GMPS: variants seen among roughly 807,000 people sequenced by gnomAD.
The protein encoded by GMPS is guanosine monophosphate synthase.
In GMPS, 15 loss-of-function variants were observed where a neutral mutation model predicts 77.9. The observed-to-expected ratio is 0.19, with a 90% CI of 0.13 to 0.30. The LOEUF (loss-of-function observed/expected upper bound fraction) is 0.30. Among genes scored for constraint, GMPS ranks in the 10% least tolerant of loss-of-function variants. The pLI, the probability that GMPS is intolerant of heterozygous loss-of-function variation, is 1.00. For synonymous variants in GMPS, 224 were observed against 275.9 expected, an observed-to-expected ratio of 0.81 and a Z score of 1.86; for missense variants, 590 against 838.8, an observed-to-expected ratio of 0.70 and a Z score of 3.66.
chr3:155,874,255 CTTGG>C (rs1753977128), intron 1 of GMPS, among the ~76,000 whole-genome samples: 1 of 152,110 alleles, frequency 6.6e-6, no homozygotes, highest in South Asian at 2.1e-4. Flanking sequence ...GGGTGAAACT[CTTGG>C]TTGGAGTAAA....
intron 1 of GMPS, among the ~76,000 whole-genome samples, chr3:155,872,001 C>T (rs1438371778): frequency 1.3e-5 from 2 of 152,186 alleles, no homozygotes; most frequent in Non-Finnish European, 2.9e-5. Context: ...CGATTTACTT[C>T]ATTAAGATAC....
At chr3:155,906,522 T>C (rs1212988358) in intron 5 of GMPS, among the ~76,000 whole-genome samples, 1 of 152,230 alleles carries the variant, frequency 6.6e-6, no homozygotes, top group Non-Finnish European at 1.5e-5. Context: ...TAATATAAGC[T>C]TTTCAAACAT....
chr3:155,886,187 G>A (rs1369582765), intron 1 of GMPS, among the ~76,000 whole-genome samples: 1 of 151,984 alleles, frequency 6.6e-6, no homozygotes, highest in East Asian at 1.9e-4. Context: ...ATTCATAATT[G>A]TAGGAATAAT....
chr3:155,935,118 G>GATGTGATCCT, intron 14 of GMPS, 72 bp downstream of exon 14: 1 of 1,013,358 alleles, frequency 9.9e-7, no homozygotes, highest in Non-Finnish European at 1.5e-6. Context: ...AGAGTAGGAG[G>GATGTGATCCT]ATGTGGCTTT....
In GMPS at chr3:155,934,887, C is replaced by T. The variant is rs184907332; in HGVS notation, c.1677-29C>T. ...AATTTCTACATTTGAAATGTAATTG[C>T]TGTATTATTTTTACCTCTTTGTTTC... On this transcript the variant is annotated intron_variant, in intron 13 of 15. Transcript: ENST00000496455. The T allele has an allele frequency of 1.5e-3, 2,177 of 1,409,116 alleles. 6 individuals are homozygous for T. Among genetic ancestry groups the T allele is most frequent in the Non-Finnish European group, 1.9e-3 (1,927 of 996,058 alleles). The allele number at this position is 1,409,116 out of a possible 1,614,324, so 87.3% of individuals were successfully genotyped here. A position where few individuals can be genotyped will look rare whatever the true frequency, so the allele number is the denominator to read the frequency against.
rs901552092 is a variant in GMPS, at chr3:155,914,406, C to T, written c.887-13C>T. On this transcript the variant is annotated splice_polypyrimidine_tract_variant and intron_variant, in intron 7 of 15. Coordinates refer to ENST00000496455, the MANE Select transcript of GMPS (RefSeq NM_003875.3). ...GTTATACCAATTTAAAACGCTTCTC[C>T]CCTTTCCTCCAGTGATAAATGCTGC... is the stretch of plus-strand genomic sequence containing the variant. 1.3e-6 allele frequency: 2 copies of T among 1,515,764 alleles called. No homozygotes were observed. The highest frequency in any genetic ancestry group is 1.4e-5 in the African/African-American group (1 of 70,276). 93.9% of individuals were successfully genotyped at this position (1,515,764 alleles called of 1,614,324 possible).
chr3:155,933,068 T>TGTA (rs1755665562), intron 13 of GMPS, among the ~76,000 whole-genome samples: 1 of 152,094 alleles, frequency 6.6e-6, no homozygotes, highest in Non-Finnish European at 1.5e-5. Context: ...GGTGTGTGCC[T>TGTA]GTAGTCCCAG....
Position 155,931,679 on chromosome 3 carries a change from T to C in GMPS, c.1561-86T>C, listed in dbSNP as rs1465590219. 19 of 576,530 alleles carry C rather than the reference T, an allele frequency of 3.3e-5. No individual in the cohort carries two copies. The East Asian group carries it at 6.1e-4, about 18-fold the overall frequency. The allele number at this position is 576,530 out of a possible 1,614,324, so 35.7% of individuals were successfully genotyped here. A position where few individuals can be genotyped will look rare whatever the true frequency, so the allele number is the denominator to read the frequency against. The stretch of plus-strand genomic sequence containing the variant: ...ATTTTTCAATGCATCTTTTCTTTTT[T>C]TTTTAAAAAAAAAAAAAAGCTTTGT... On this transcript the variant is annotated intron_variant, in intron 12 of 15. Coordinates refer to ENST00000496455, the MANE Select transcript of GMPS (RefSeq NM_003875.3).
At chr3:155,898,243 A>T (rs1432913633) in intron 3 of GMPS, among the ~76,000 whole-genome samples, 3 of 152,182 alleles carry the variant, frequency 2.0e-5, no homozygotes. Context: ...TAGTAAGTAC[A>T]CTGTTTCATG....
Position 155,940,790 on chromosome 3 carries a change from G to A in GMPS, c.*3098G>A, listed in dbSNP as rs1755870819. On this transcript the variant is annotated 3_prime_UTR_variant, in exon 16 of 16. Coordinates refer to ENST00000496455, the MANE Select transcript of GMPS (RefSeq NM_003875.3). ...CTTTTATCATCAGATATGACACAAA[G>A]GGAAACATCAAAATGCACCGTAAAG... 4.8e-6 allele frequency: 1 copy of A among 208,922 alleles called. No homozygotes were observed. The highest frequency in any genetic ancestry group is 9.5e-6 in the Non-Finnish European group (1 of 105,466). 12.9% of individuals were successfully genotyped at this position (208,922 alleles called of 1,614,324 possible). A position where few individuals can be genotyped will look rare whatever the true frequency, so the allele number is the denominator to read the frequency against.
chr3:155,931,840 C>G lies in GMPS; in HGVS notation c.1636C>G (p.Leu546Val). Reference protein sequence around the residue: ...DEPDWESLIFLARLIPRMCHN... With the variant: ...DEPDWESLIFVARLIPRMCHN... ...ACCTGACTGGGAATCACTTATTTTT[C>G]TGGCTAGGCTTATACCTCGCATGTG... is the stretch of plus-strand genomic sequence containing the variant. Residue 546 changes from leucine to valine, a missense_variant, in exon 13 of 16, where the codon CTG (leucine) becomes GTG (valine). Leu to Val is a conservative substitution (Grantham distance 32, BLOSUM62 1). Coordinates refer to ENST00000496455, the MANE Select transcript of GMPS (RefSeq NM_003875.3). 2 of 1,593,304 alleles carry G rather than the reference C, an allele frequency of 1.3e-6. No individual in the cohort carries two copies. Among genetic ancestry groups the G allele is most frequent in the East Asian group, 2.2e-5 (1 of 44,710 alleles).
intron 1 of GMPS, among the ~76,000 whole-genome samples, chr3:155,871,410 T>A (rs1292475299): frequency 6.6e-6 from 1 of 152,144 alleles, no homozygotes; most frequent in Non-Finnish European, 1.5e-5. Flanking sequence ...CCACCCCGTT[T>A]CCCGCCTGCC....
chr3:155,940,809 C>T lies in GMPS; in HGVS notation c.*3117C>T, dbSNP rs570783144. On this transcript the variant is annotated 3_prime_UTR_variant, in exon 16 of 16. Coordinates refer to ENST00000496455, the MANE Select transcript of GMPS (RefSeq NM_003875.3). The stretch of plus-strand genomic sequence containing the variant: ...CACAAAGGGAAACATCAAAATGCAC[C>T]GTAAAGTTAAATCCTAGTTACCTTT... The T allele has an allele frequency of 2.1e-4, 46 of 218,698 alleles. No homozygotes were observed. In the South Asian group the frequency reaches 8.4e-3, roughly 40 times the overall value. The allele number at this position is 218,698 out of a possible 1,614,324, so 13.5% of individuals were successfully genotyped here.
intron 9 of GMPS, among the ~76,000 whole-genome samples, chr3:155,916,554 G>A (rs1878211): frequency 0.19 from 29,472 of 152,032 alleles, 3,020 homozygotes; most frequent in South Asian, 0.26. Context: ...TTTACTTACC[G>A]TAATGTTTTC....
intron 1 of GMPS, among the ~76,000 whole-genome samples, chr3:155,889,695 T>A (rs1455877882): frequency 1.3e-5 from 2 of 152,244 alleles, no homozygotes; most frequent in Admixed American, 1.3e-4. Flanking sequence ...CATTTCCATC[T>A]CCACTTTTCC....
chr3:155,913,964 G>T (rs12497968), intron 7 of GMPS, among the ~76,000 whole-genome samples: 8,131 of 148,302 alleles, frequency 0.055, 298 homozygotes, highest in East Asian at 0.18. Flanking sequence ...TTTTTTTTTT[G>T]GGGATGGAGT....
intron 7 of GMPS, among the ~76,000 whole-genome samples, chr3:155,911,998 G>A (rs1755051824): frequency 6.6e-6 from 1 of 151,628 alleles, no homozygotes; most frequent in Admixed American, 6.6e-5. Flanking sequence ...TTTTTTAAAG[G>A]GCCACTAGTA....
At chr3:155,910,965 C>A in intron 6 of GMPS, 80 bp downstream of exon 6, 1 of 1,102,552 alleles carries the variant, frequency 9.1e-7, no homozygotes, top group Non-Finnish European at 1.3e-6. Context: ...TCAACACAGC[C>A]CTTAAATGTT....
At chr3:155,923,151 T>C (rs1187616507) in intron 11 of GMPS, among the ~76,000 whole-genome samples, 6 of 152,078 alleles carry the variant, frequency 3.9e-5, no homozygotes, top group Non-Finnish European at 8.8e-5. Flanking sequence ...ATAAGAATAA[T>C]GTATAAGAGA....
Sources: allele counts gnomAD v4.1 joint callset (sites outside exome capture counted in the v4.1 genomes callset), GRCh38; gene constraint gnomAD v4.1.1; transcripts MANE v1.5; gene names NCBI Gene and HGNC (gene_info 2026-07-23, HGNC 2026-07-21).